The following NCKAP1 variants were observed in gnomAD, a reference collection of about 807,000 sequenced individuals.
NCKAP1 encodes nck-associated protein 1.
In NCKAP1, 21 loss-of-function variants were observed where a neutral mutation model predicts 151.2. The ratio of observed to expected loss-of-function variants is 0.14; its 90% CI spans 0.10 to 0.20. The LOEUF (loss-of-function observed/expected upper bound fraction) is 0.20. Among genes scored for constraint, NCKAP1 ranks in the 10% least tolerant of loss-of-function variants. NCKAP1 has a pLI of 1.00. For missense variants in NCKAP1, 933 were observed against 1,352.1 expected (o/e 0.69, Z 4.86); for synonymous variants, 484 against 451.8 (o/e 1.07, Z -0.90).
intron 24 of NCKAP1, among the ~76,000 whole-genome samples, chr2:182,937,538 C>T (rs1451327337): frequency 6.6e-6 from 1 of 152,076 alleles, no homozygotes; most frequent in African/African-American, 2.4e-5. Flanking sequence ...GAAGGTCATG[C>T]TAAGGAGTTT....
At chr2:182,994,923 A>G in intron 7 of NCKAP1, 36 bp from the exon 8 acceptor site, 1 of 1,513,972 alleles carries the variant, frequency 6.6e-7, no homozygotes, top group Non-Finnish European at 9.1e-7. Context: ...CAGTTAAAAG[A>G]AATTCTAAAA....
intron 9 of NCKAP1, 38 bp downstream of exon 9, chr2:182,988,992 C>T (rs1043977421): frequency 1.9e-6 from 3 of 1,577,796 alleles, no homozygotes; most frequent in East Asian, 4.5e-5. Flanking sequence ...ACTCACCACC[C>T]TTCTCCAAAA....
chr2:182,946,794 C>T (rs1215260583), intron 23 of NCKAP1, among the ~76,000 whole-genome samples: 2 of 141,482 alleles, frequency 1.4e-5, no homozygotes, highest in Non-Finnish European at 1.5e-5. Flanking sequence ...GAAAAGTCAA[C>T]AAATTCCTGG....
rs187747476 is a variant in NCKAP1 at position 182,976,491 on chromosome 2, C to T, written c.1482+402G>A. On this transcript the variant is annotated intron_variant, in intron 15 of 30. Coordinates refer to ENST00000361354, the MANE Select transcript of NCKAP1 (RefSeq NM_013436.5). ...CAATGGCAGAGTGCAATCATGATGA[C>T]GGAGACTATATGGCTGCAAGCCTAA... Among the ~76,000 whole-genome samples the T allele has an allele frequency of 1.6e-3, 245 of 152,244 alleles. 1 individual carries two copies. Among genetic ancestry groups the T allele is most frequent in the Non-Finnish European group, 2.6e-3 (179 of 68,024 alleles).
intron 1 of NCKAP1, among the ~76,000 whole-genome samples, chr2:183,024,239 T>C (rs1324187976): frequency 6.6e-6 from 1 of 152,162 alleles, no homozygotes; most frequent in Non-Finnish European, 1.5e-5. Flanking sequence ...CTGAAGCTAA[T>C]AAAATATTAC....
At chr2:182,963,505 C>T (rs145057295) in intron 17 of NCKAP1, among the ~76,000 whole-genome samples, 15 of 152,178 alleles carry the variant, frequency 9.9e-5, no homozygotes, top group African/African-American at 3.6e-4. Context: ...CCTTTGGCTA[C>T]GGTGCCAAGA....
chr2:182,997,796 T>A (rs1698299012), intron 6 of NCKAP1, among the ~76,000 whole-genome samples: 1 of 152,054 alleles, frequency 6.6e-6, no homozygotes, highest in Non-Finnish European at 1.5e-5. Context: ...TTTCAAAAAG[T>A]TGAGGGGGAG....
chr2:182,957,490 T>C lies in NCKAP1; in HGVS notation c.1988A>G (p.Glu663Gly). 6.2e-7 allele frequency: 1 copy of C among 1,614,046 alleles called. No homozygotes were observed. Among genetic ancestry groups the C allele is most frequent in the Non-Finnish European group, 8.5e-7 (1 of 1,179,936 alleles). Reference protein sequence around the residue: ...GEPEREKPGVESMRKNRLVVT... With the variant: ...GEPEREKPGVGSMRKNRLVVT... ...AACCAGCCTGTTTTTCCTCATGCTC[T>C]CAACACCTGGTTTCTCCCTTTCAGG... Residue 663 changes from glutamate (E) to glycine (G), a missense_variant, in exon 19 of 31, where the codon GAG (glutamate) becomes GGG (glycine). Coordinates refer to ENST00000361354, the MANE Select transcript of NCKAP1 (RefSeq NM_013436.5).
At chr2:182,993,172 C>A (rs1470938209) in intron 8 of NCKAP1, among the ~76,000 whole-genome samples, 1 of 152,184 alleles carries the variant, frequency 6.6e-6, no homozygotes, top group African/African-American at 2.4e-5. Context: ...CTTCCTCCTG[C>A]ATAATTTAAA....
At chr2:182,955,836 C>T (rs1266610891) in intron 20 of NCKAP1, among the ~76,000 whole-genome samples, 1 of 152,044 alleles carries the variant, frequency 6.6e-6, no homozygotes, top group Non-Finnish European at 1.5e-5. Flanking sequence ...TTGACTACAA[C>T]CTAATAAACT....
At chr2:182,972,400 C>A (rs1697718292) in intron 15 of NCKAP1, among the ~76,000 whole-genome samples, 1 of 151,986 alleles carries the variant, frequency 6.6e-6, no homozygotes, top group African/African-American at 2.4e-5. Flanking sequence ...GTTAAAATGG[C>A]TATTATCAAA....
chr2:182,991,968 T>C (rs1698179036), intron 8 of NCKAP1, among the ~76,000 whole-genome samples: 1 of 152,214 alleles, frequency 6.6e-6, no homozygotes, highest in Non-Finnish European at 1.5e-5. Context: ...CATCGGGCTA[T>C]AATCTAGAGC....
At chr2:182,985,842 T>C (rs1186792118) in intron 10 of NCKAP1, among the ~76,000 whole-genome samples, 3 of 151,554 alleles carry the variant, frequency 2.0e-5, no homozygotes, top group African/African-American at 7.3e-5. Flanking sequence ...GTAAGAGTTA[T>C]ATGGATATAT....
At chr2:182,930,248 C>G (rs191266824) in intron 27 of NCKAP1, among the ~76,000 whole-genome samples, 138 of 152,156 alleles carry the variant, frequency 9.1e-4, no homozygotes, top group Non-Finnish European at 1.7e-3. Flanking sequence ...TAAAACCTCA[C>G]TGACACTGAT....
At chr2:182,950,047 C>T (rs577201095) in intron 23 of NCKAP1, among the ~76,000 whole-genome samples, 3 of 152,184 alleles carry the variant, frequency 2.0e-5, no homozygotes, top group Admixed American at 1.3e-4. Context: ...CATTCTGATA[C>T]GGTGACATAT....
intron 28 of NCKAP1, 91 bp from the exon 29 acceptor site, chr2:182,928,317 T>TA: frequency 1.2e-6 from 1 of 846,784 alleles, no homozygotes; most frequent in Admixed American, 2.6e-5. Context: ...TCTGCATAAA[T>TA]AGGGGCATAA....
chr2:183,027,576 T>C (rs924051115), intron 1 of NCKAP1, among the ~76,000 whole-genome samples: 1 of 152,144 alleles, frequency 6.6e-6, no homozygotes, highest in African/African-American at 2.4e-5. Flanking sequence ...GAAGGCTGAT[T>C]GGGCATGGTG....
intron 23 of NCKAP1, among the ~76,000 whole-genome samples, chr2:182,948,530 A>G (rs1697152340): frequency 6.6e-6 from 1 of 152,208 alleles, no homozygotes; most frequent in Admixed American, 6.5e-5. Flanking sequence ...AATATATTTG[A>G]TAACATTCAT....
chr2:183,003,107 T>C, intron 3 of NCKAP1, 77 bp from the exon 4 acceptor site: 3 of 1,359,664 alleles, frequency 2.2e-6, no homozygotes, highest in South Asian at 2.7e-5. Context: ...AAATAAGGTA[T>C]GTGTTAAACT....
Sources: gnomAD v4.1 joint callset for allele counts (sites outside exome capture counted in the v4.1 genomes callset) on GRCh38, gnomAD v4.1.1 for gene constraint, MANE v1.5 for transcripts, NCBI Gene and HGNC (gene_info 2026-07-23, HGNC 2026-07-21) for gene names.